TAF15: variants seen among roughly 807,000 people sequenced by gnomAD.
TAF15 encodes TATA-binding protein-associated factor 2N.
A neutral mutation model predicts 102.5 loss-of-function variants in TAF15; 37 were observed. The observed-to-expected ratio is 0.36, with a 90% confidence interval of 0.28 to 0.47. The LOEUF (loss-of-function observed/expected upper bound fraction) is 0.47. Ranked by LOEUF, TAF15 falls within the 20% of genes least tolerant of loss-of-function variation. The pLI is 0.99. For synonymous variants in TAF15, 273 were observed against 259.2 expected, an observed-to-expected ratio of 1.05 and a Z score of -0.51; for missense variants, 652 against 760.7, an observed-to-expected ratio of 0.86 and a Z score of 1.68.
intron 1 of TAF15, among the ~76,000 whole-genome samples, chr17:35,814,513 C>A (rs542402618): frequency 6.6e-6 from 1 of 151,094 alleles, no homozygotes; most frequent in African/African-American, 2.4e-5. Flanking sequence ...AAAGTTCAGA[C>A]GTAATGTTAA....
intron 12 of TAF15, among the ~76,000 whole-genome samples, chr17:35,843,728 C>G (rs184796300): frequency 6.6e-6 from 1 of 152,042 alleles, no homozygotes; most frequent in African/African-American, 2.4e-5. Context: ...CTGCTCAACT[C>G]GCAAGTATAA....
chr17:35,813,997 TG>T lies in TAF15; in HGVS notation c.8-3718del, dbSNP rs573846498. Reference sequence around the variant, plus strand: ...ATTTTCTTTTTTCTGTTTTTTTTGTTGTTGTTGTTGTTGTTTTTGTTTTTTT... The same window carrying T: ...ATTTTCTTTTTTCTGTTTTTTTTGTTTTGTTGTTGTTGTTTTTGTTTTTTT... On this transcript the variant is annotated intron_variant, in intron 1 of 15. Coordinates refer to ENST00000605844, the MANE Select transcript of TAF15 (RefSeq NM_139215.3). Among the ~76,000 whole-genome samples, 685 of 137,228 alleles carry T rather than the reference TG, an allele frequency of 5.0e-3. 1 individual carries two copies. Among genetic ancestry groups the T allele is most frequent in the Non-Finnish European group, 7.9e-3 (492 of 62,032 alleles). 90.0% of individuals were successfully genotyped at this position (137,228 alleles called of 152,430 possible).
chr17:35,819,894 C>A, intron 2 of TAF15, 130 bp from the exon 3 acceptor site: 1 of 803,460 alleles, frequency 1.2e-6, no homozygotes, highest in Non-Finnish European at 2.1e-6. Context: ...ACTCTAGAGA[C>A]AGGGAGATTG....
chr17:35,812,264 G>T (rs1371379756), intron 1 of TAF15, among the ~76,000 whole-genome samples: 3 of 152,120 alleles, frequency 2.0e-5, no homozygotes, highest in Non-Finnish European at 2.9e-5. Flanking sequence ...ACGTAAAAAT[G>T]GTTTCTGGGC....
chr17:35,831,763 CT>C (rs1000114699), intron 7 of TAF15, among the ~76,000 whole-genome samples: 3 of 152,060 alleles, frequency 2.0e-5, no homozygotes, highest in Non-Finnish European at 4.4e-5. Flanking sequence ...GGCTTAAGTT[CT>C]TTTTTATCAC....
At chr17:35,823,088 G>T (rs1370019213) in intron 6 of TAF15, among the ~76,000 whole-genome samples, 1 of 152,114 alleles carries the variant, frequency 6.6e-6, no homozygotes. Context: ...TCTGATCCTT[G>T]ACAATACTGC....
chr17:35,843,780 CTT>C (rs1480285190), intron 12 of TAF15, among the ~76,000 whole-genome samples: 3 of 152,164 alleles, frequency 2.0e-5, no homozygotes, highest in African/African-American at 7.2e-5. Flanking sequence ...ATCAGAGACA[CTT>C]TTGGTCCCAA....
chr17:35,812,583 C>CAA (rs34497840), intron 1 of TAF15, among the ~76,000 whole-genome samples: 1,282 of 65,406 alleles, frequency 0.02, 39 homozygotes, highest in African/African-American at 0.063. Flanking sequence ...AACTCTATCT[C>CAA]AAAAAAAAAA....
At position 35,844,067 on chromosome 17, in the gene TAF15, A is replaced by G. The variant is rs2087579436; in HGVS notation, c.1007-10A>G. On this transcript the variant is annotated splice_polypyrimidine_tract_variant and intron_variant, in intron 12 of 15. Coordinates refer to ENST00000605844, the MANE Select transcript of TAF15 (RefSeq NM_139215.3). ...CTGCTGATTTTTCTCCCCTGGCCCC[A>G]TCCCCCTAGGCCGTGGAGGATATAG... is the stretch of plus-strand genomic sequence containing the variant. 1 of 1,613,824 alleles carries G rather than the reference A, an allele frequency of 6.2e-7. No homozygotes were observed. The highest frequency in any genetic ancestry group is 8.5e-7 in the Non-Finnish European group (1 of 1,179,770).
Position 35,844,882 on chromosome 17 carries a change from G to T in TAF15, c.1583G>T (p.Arg528Leu), listed in dbSNP as rs775800221. The T allele has an allele frequency of 1.9e-6, 3 of 1,613,252 alleles. No homozygotes were observed. The highest frequency in any genetic ancestry group is 2.2e-5 in the East Asian group (1 of 44,800). The change falls in exon 15 of 16, where the codon CGG becomes CTG. Residue 528 changes from arginine (R) to leucine (L), a missense_variant. Physicochemically the swap from Arg to Leu is moderately radical, Grantham distance 102. Transcript: ENST00000605844. ...DRGGYGGDRS[R>L]GGYGGDRGGG... ...GGAGGCTATGGAGGAGACAGAAGCC[G>T]GGGGGGCTATGGAGGAGACCGTGGT...
intron 11 of TAF15, 34 bp from the exon 12 acceptor site, chr17:35,842,333 A>G (rs2087558135): frequency 6.5e-7 from 1 of 1,526,858 alleles, no homozygotes; most frequent in African/African-American, 1.4e-5. Context: ...GGTATAGAGT[A>G]GCATTGCTTC....
chr17:35,844,917 G>A lies in TAF15; in HGVS notation c.1618G>A (p.Gly540Ser). The change falls in exon 15 of 16, where the codon GGC (glycine) becomes AGC (serine). Residue 540 changes from glycine (G) to serine (S), a missense_variant. This residue lies in a region of TAF15 where 368 missense variants were observed against 367.5 expected (regional missense o/e 1.00). Transcript: ENST00000605844. The part of the protein sequence containing the change: ...GYGGDRGGGS[G>S]YGGDRSGGYG... Reference sequence around the variant, plus strand: ...TGGAGGAGACCGTGGTGGTGGCAGTGGCTACGGTGGAGACCGAAGTGGAGG... The same window carrying A: ...TGGAGGAGACCGTGGTGGTGGCAGTAGCTACGGTGGAGACCGAAGTGGAGG... 1 of 1,613,348 alleles carries A rather than the reference G, an allele frequency of 6.2e-7. No homozygotes were observed. The highest frequency in any genetic ancestry group is 8.5e-7 in the Non-Finnish European group (1 of 1,179,582).
At chr17:35,837,042 A>G (rs1453097181) in intron 10 of TAF15, among the ~76,000 whole-genome samples, 4 of 151,898 alleles carry the variant, frequency 2.6e-5, no homozygotes, top group African/African-American at 4.8e-5. Flanking sequence ...CCAAAGTCCC[A>G]GGATTACAGT....
At chr17:35,809,747 C>T (rs2087102507) in intron 1 of TAF15, 171 bp downstream of exon 1, 3 of 828,568 alleles carry the variant, frequency 3.6e-6, no homozygotes, top group Non-Finnish European at 5.8e-6. Context: ...ACGCACGCTC[C>T]CAATGGCTCC....
intron 7 of TAF15, among the ~76,000 whole-genome samples, chr17:35,827,291 G>A (rs527531583): frequency 1.6e-4 from 24 of 146,942 alleles, no homozygotes; most frequent in African/African-American, 5.8e-4. Context: ...AGCTGAGATC[G>A]CACCACTGCA....
At chr17:35,845,106 A>T (rs908470388) in intron 15 of TAF15, 68 bp downstream of exon 15, 2 of 1,597,432 alleles carry the variant, frequency 1.3e-6, no homozygotes. Flanking sequence ...TTTGAACCAC[A>T]TTTTAACAAT....
intron 10 of TAF15, 73 bp from the exon 11 acceptor site, chr17:35,838,351 C>A (rs1370346024): frequency 1.2e-5 from 19 of 1,586,884 alleles, no homozygotes; most frequent in African/African-American, 2.7e-5. Context: ...AAAAATAAAT[C>A]TTTGATTATC....
chr17:35,846,806 G>A, intron 15 of TAF15, 100 bp from the exon 16 acceptor site: 1 of 1,233,078 alleles, frequency 8.1e-7, no homozygotes. Flanking sequence ...TTTAGAAATT[G>A]TCTAGCTGAT....
At chr17:35,839,089 T>A (rs2087509631) in intron 11 of TAF15, among the ~76,000 whole-genome samples, 1 of 151,548 alleles carries the variant, frequency 6.6e-6, no homozygotes, top group Non-Finnish European at 1.5e-5. Context: ...AACATAGAGC[T>A]TGCCTCTACT....
Sources: allele counts gnomAD v4.1 joint callset (sites outside exome capture counted in the v4.1 genomes callset), GRCh38; gene constraint gnomAD v4.1.1; regional missense constraint gnomAD v4.1.1; transcripts MANE v1.5; gene names NCBI Gene and HGNC (gene_info 2026-07-23, HGNC 2026-07-21).